Variants in GLRA3 observed in about 807,000 individuals in gnomAD.
GLRA3 encodes glycine receptor subunit alpha-3.
GLRA3 carries 44 observed loss-of-function variants against 60.4 expected under a neutral mutation model. That is an observed-to-expected ratio of 0.73 (90% CI 0.57 to 0.94). The LOEUF is 0.94. Among genes scored for constraint, GLRA3 ranks in the 40% least tolerant of loss-of-function variants. The pLI is 0.00. For missense variants in GLRA3, 508 were observed against 564.6 expected (o/e 0.90, Z 1.02); for synonymous variants, 223 against 192.9 (o/e 1.16, Z -1.29).
rs1012660544 is a variant in GLRA3, at chr4:174,643,993, A to G, written c.1188T>C (p.Asp396=). The G allele has an allele frequency of 6.2e-7, 1 of 1,613,788 alleles. No individual in the cohort carries two copies. The highest frequency in any genetic ancestry group is 1.3e-5 in the African/African-American group (1 of 74,888). The part of the protein sequence containing the change: ...YGMGPCLQAK[D]GMTPKGPNHP... ...GGTTGGGGCCCTTTGGAGTCATGCC[A>G]TCCTTTGCTTGTAGACATGGTCCCA... Residue 396 remains aspartate, a synonymous_variant, in exon 10 of 10, where the codon GAT becomes GAC. Transcript: ENST00000274093.
chr4:174,673,587 GAGA>G (rs1356085996), intron 7 of GLRA3, among the ~76,000 whole-genome samples: 1 of 152,122 alleles, frequency 6.6e-6, no homozygotes, highest in Admixed American at 6.6e-5. Context: ...GGAACAGAGA[GAGA>G]AGATTTTCAG....
intron 2 of GLRA3, among the ~76,000 whole-genome samples, chr4:174,785,949 T>G (rs1347661067): frequency 6.7e-6 from 1 of 148,160 alleles, no homozygotes; most frequent in Non-Finnish European, 1.5e-5. Flanking sequence ...TTTTTTTTTT[T>G]TTTTTTTTTT....
At chr4:174,750,817 G>A (rs1737444034) in intron 3 of GLRA3, among the ~76,000 whole-genome samples, 1 of 152,028 alleles carries the variant, frequency 6.6e-6, no homozygotes, top group Non-Finnish European at 1.5e-5. Context: ...AGCTCATTAA[G>A]GAAGATCCCA....
At chr4:174,725,283 AT>A (rs1736281406) in intron 4 of GLRA3, among the ~76,000 whole-genome samples, 4 of 151,540 alleles carry the variant, frequency 2.6e-5, no homozygotes, top group South Asian at 2.1e-4. Context: ...CATCTTCTCC[AT>A]TTTTTTTGGT....
At chr4:174,739,682 C>T (rs2111165767) in intron 3 of GLRA3, among the ~76,000 whole-genome samples, 1 of 152,194 alleles carries the variant, frequency 6.6e-6, no homozygotes, top group Non-Finnish European at 1.5e-5. Context: ...AGGGACAGTT[C>T]AAAATGCAAA....
intron 4 of GLRA3, among the ~76,000 whole-genome samples, chr4:174,724,416 A>G (rs1736243165): frequency 6.6e-6 from 1 of 152,116 alleles, no homozygotes; most frequent in Non-Finnish European, 1.5e-5. Flanking sequence ...TGACCACAGA[A>G]GGGCTATTAG....
At chr4:174,746,473 T>C (rs2111184215) in intron 3 of GLRA3, among the ~76,000 whole-genome samples, 2 of 152,056 alleles carry the variant, frequency 1.3e-5, no homozygotes, top group East Asian at 3.8e-4. Flanking sequence ...GAGAATAGAA[T>C]GATAGATACC....
At chr4:174,812,714 T>G (rs17365870) in intron 1 of GLRA3, among the ~76,000 whole-genome samples, 22,673 of 152,100 alleles carry the variant, frequency 0.15, 1,762 homozygotes, top group South Asian at 0.17. Context: ...GAGAGCAAAG[T>G]TTAGCAAGAT....
At chr4:174,777,326 A>G (rs999670886) in intron 2 of GLRA3, among the ~76,000 whole-genome samples, 2 of 152,212 alleles carry the variant, frequency 1.3e-5, no homozygotes, top group African/African-American at 4.8e-5. Flanking sequence ...AATGCATACA[A>G]AACAGATTAT....
rs574232482 is a variant in GLRA3 at position 174,641,564 on chromosome 4, T to C, written c.*2222A>G. 2.0e-5 allele frequency: 3 copies of C among 152,212 alleles called. No individual in the cohort carries two copies. The East Asian group carries it at 5.8e-4, about 29-fold the overall frequency. 9.4% of individuals were successfully genotyped at this position (152,212 alleles called of 1,614,324 possible). A position where few individuals can be genotyped will look rare whatever the true frequency, so the allele number is the denominator to read the frequency against. ...TAAGGAAAGTGTAATACTTTTGAGA[T>C]AGATTTCTAATGTACCAACGTCCTT... On this transcript the variant is annotated 3_prime_UTR_variant, in exon 10 of 10. Transcript: ENST00000274093.
chr4:174,740,488 C>T lies in GLRA3; in HGVS notation c.268-11790G>A, dbSNP rs566866541. 3.6e-3 allele frequency among the ~76,000 whole-genome samples: 541 copies of T among 152,198 alleles called. 4 individuals are homozygous for T. Among genetic ancestry groups the T allele is most frequent in the Admixed American group, 6.0e-3 (92 of 15,290 alleles). On this transcript the variant is annotated intron_variant, in intron 3 of 9. Coordinates refer to ENST00000274093, the MANE Select transcript of GLRA3 (RefSeq NM_006529.4). ...TTGAATGCTGATCCTCCAGCTGAAA[C>T]CAGAGATTTTATATCAATGACAAGA... is the stretch of plus-strand genomic sequence containing the variant.
At chr4:174,745,879 A>G (rs1311012666) in intron 3 of GLRA3, among the ~76,000 whole-genome samples, 2 of 152,192 alleles carry the variant, frequency 1.3e-5, no homozygotes, top group African/African-American at 4.8e-5. Context: ...AGAAGTGGCC[A>G]ACACATATCT....
At chr4:174,703,435 T>C (rs904464017) in intron 5 of GLRA3, among the ~76,000 whole-genome samples, 2 of 152,192 alleles carry the variant, frequency 1.3e-5, no homozygotes, top group African/African-American at 4.8e-5. Context: ...TTTCAAAAAA[T>C]AGATTATTTT....
At chr4:174,823,166 C>G (rs1235764930) in intron 1 of GLRA3, among the ~76,000 whole-genome samples, 1 of 152,106 alleles carries the variant, frequency 6.6e-6, no homozygotes, top group Non-Finnish European at 1.5e-5. Flanking sequence ...TTACTTGTCT[C>G]TTTTGGCCAT....
At chr4:174,720,412 T>C (rs1471642989) in intron 4 of GLRA3, among the ~76,000 whole-genome samples, 3 of 152,218 alleles carry the variant, frequency 2.0e-5, no homozygotes, top group Non-Finnish European at 4.4e-5. Flanking sequence ...CTTTATTTAA[T>C]GTATTTTAAT....
At chr4:174,809,514 C>T (rs920969815) in intron 1 of GLRA3, among the ~76,000 whole-genome samples, 2 of 152,136 alleles carry the variant, frequency 1.3e-5, no homozygotes, top group Non-Finnish European at 1.5e-5. Context: ...AGGTGGATCA[C>T]TGAAGGTCAG....
chr4:174,797,260 A>G (rs1739609936), intron 1 of GLRA3, among the ~76,000 whole-genome samples: 1 of 152,220 alleles, frequency 6.6e-6, no homozygotes, highest in Non-Finnish European at 1.5e-5. Flanking sequence ...TGACGTATTT[A>G]TAGCAAGTTA....
At chr4:174,662,686 A>G (rs568267679) in intron 7 of GLRA3, among the ~76,000 whole-genome samples, 1 of 152,190 alleles carries the variant, frequency 6.6e-6, no homozygotes, top group South Asian at 2.1e-4. Flanking sequence ...AAGTAAGGAA[A>G]AAGCTCTTTC....
Position 174,636,929 on chromosome 4 carries a change from AGT to A in GLRA3, c.*6855_*6856del, listed in dbSNP as rs1348006124. On this transcript the variant is annotated 3_prime_UTR_variant, in exon 10 of 10. Coordinates refer to ENST00000274093, the MANE Select transcript of GLRA3 (RefSeq NM_006529.4). The stretch of plus-strand genomic sequence containing the variant: ...AAAAGAGGTATCCATATTCTTGAAA[AGT>A]GTTCATTTTTATTGTTTCGGATCAA... The A allele has an allele frequency of 1.3e-5, 2 of 152,180 alleles. No individual in the cohort carries two copies. The highest frequency in any genetic ancestry group is 3.8e-4 in the East Asian group (2 of 5,196). 9.4% of individuals were successfully genotyped at this position (152,180 alleles called of 1,614,324 possible).
Sources: gnomAD v4.1 joint callset for allele counts (sites outside exome capture counted in the v4.1 genomes callset) on GRCh38, gnomAD v4.1.1 for gene constraint, MANE v1.5 for transcripts, NCBI Gene and HGNC (gene_info 2026-07-23, HGNC 2026-07-21) for gene names.